The following PPDPFL variants were observed in gnomAD, a reference collection of about 807,000 sequenced individuals.
PPDPFL encodes the protein pancreatic progenitor cell differentiation and proliferation factor-like protein.
PPDPFL carries 12 observed loss-of-function variants against 12.6 expected under a neutral mutation model. That is an observed-to-expected ratio of 0.95 (90% CI 0.61 to 1.54). PPDPFL has a LOEUF of 1.54. PPDPFL is among the 40% of genes most tolerant of loss of function. The probability of loss-of-function intolerance (pLI) is 0.00; values close to 1 mark genes in which losing one functional copy is unlikely to be tolerated. For synonymous variants in PPDPFL, 24 were observed against 32.7 expected, an observed-to-expected ratio of 0.73 and a Z score of 0.91; for missense variants, 114 against 96.0, an observed-to-expected ratio of 1.19 and a Z score of -0.78.
In PPDPFL at chr8:49,072,872, T is replaced by G. The variant is rs753666328; in HGVS notation, c.42T>G (p.Asn14Lys). The G allele has an allele frequency of 6.2e-7, 1 of 1,606,762 alleles. No individual in the cohort carries two copies. Among genetic ancestry groups the G allele is most frequent in the Non-Finnish European group, 8.5e-7 (1 of 1,177,222 alleles). Residue 14 changes from asparagine (N) to lysine (K), a missense_variant, in exon 2 of 5, where the codon AAT (asparagine) becomes AAG (lysine). Asn to Lys is a moderately conservative substitution (Grantham distance 94, BLOSUM62 0). Coordinates refer to ENST00000522267, the MANE Select transcript of PPDPFL (RefSeq NM_001256597.2). The stretch of plus-strand genomic sequence containing the variant: ...CCATTGGTTGCCTTCTAGCCAGAAA[T>G]CAGTATTATCGAAGTAAGTTGCATC... Reference protein sequence around the residue: ...VPSIGCLLARNQYYRKSSVSS... With the variant: ...VPSIGCLLARKQYYRKSSVSS...
intron 1 of PPDPFL, among the ~76,000 whole-genome samples, chr8:49,057,184 G>A (rs1040640179): frequency 2.0e-5 from 3 of 152,158 alleles, no homozygotes; most frequent in African/African-American, 7.2e-5. Flanking sequence ...TTTAGCGAAT[G>A]CACATTACTG....
At chr8:49,072,668 C>T in intron 1 of PPDPFL, 119 bp from the exon 2 acceptor site, 4 of 501,248 alleles carry the variant, frequency 8.0e-6, no homozygotes, top group South Asian at 3.0e-5. Context: ...ATTTAAATTC[C>T]TTTTATCATA....
At chr8:49,063,216 TA>T (rs1808241037) in intron 1 of PPDPFL, among the ~76,000 whole-genome samples, 1 of 152,192 alleles carries the variant, frequency 6.6e-6, no homozygotes, top group Non-Finnish European at 1.5e-5. Context: ...TCTGCAAATG[TA>T]AAATTCACAT....
chr8:49,074,671 A>G (rs2292399), intron 4 of PPDPFL: 545,479 of 1,506,684 alleles, frequency 0.36, 102,531 homozygotes, highest in Non-Finnish European at 0.39. Context: ...AAGAATAACC[A>G]TTGTCTAGTT....
rs1388140535 is a variant in PPDPFL at position 49,076,029 on chromosome 8, A to C, written c.*856A>C. On this transcript the variant is annotated 3_prime_UTR_variant, in exon 5 of 5. Transcript: ENST00000522267. The stretch of plus-strand genomic sequence containing the variant: ...TTTAATATATTTTTCCATATCTCCC[A>C]ATTTTTCTAATATGACAAGTATTGT... 1 of 152,126 alleles carries C rather than the reference A, an allele frequency of 6.6e-6. No homozygotes were observed. Among genetic ancestry groups the C allele is most frequent in the East Asian group, 1.9e-4 (1 of 5,200 alleles). 9.4% of individuals were successfully genotyped at this position (152,126 alleles called of 1,614,324 possible). A position where few individuals can be genotyped will look rare whatever the true frequency, so the allele number is the denominator to read the frequency against.
rs776385400 is a variant in PPDPFL at position 49,074,199 on chromosome 8, G to T, written c.134-35G>T. On this transcript the variant is annotated intron_variant, in intron 3 of 4. Coordinates refer to ENST00000522267, the MANE Select transcript of PPDPFL (RefSeq NM_001256597.2). ...TCTTTTTATTTTCAATCTCAAATTT[G>T]TTTGATAAGGAGTAACATGAATTTT... 4.4e-6 allele frequency: 7 copies of T among 1,604,518 alleles called. No homozygotes were observed. In the South Asian group the frequency reaches 4.4e-5, roughly 10 times the overall value.
chr8:49,066,558 A>G (rs1024970606), intron 1 of PPDPFL, among the ~76,000 whole-genome samples: 2 of 152,220 alleles, frequency 1.3e-5, no homozygotes, highest in African/African-American at 4.8e-5. Context: ...TCGGGAAAGC[A>G]TATGAGCCAG....
chr8:49,061,626 C>T (rs964211708), intron 1 of PPDPFL, among the ~76,000 whole-genome samples: 13 of 152,106 alleles, frequency 8.5e-5, no homozygotes, highest in Non-Finnish European at 1.3e-4. Context: ...GTGGGATGAG[C>T]TGACTGGTGC....
chr8:49,054,559 T>C (rs1479148336), intron 1 of PPDPFL, among the ~76,000 whole-genome samples: 1 of 152,084 alleles, frequency 6.6e-6, no homozygotes, highest in Non-Finnish European at 1.5e-5. Context: ...GGAGTCAAAG[T>C]TGTATGTGGA....
In PPDPFL at chr8:49,064,215, C is replaced by T. The variant is rs563394780; in HGVS notation, c.-44-8572C>T. On this transcript the variant is annotated intron_variant, in intron 1 of 4. Coordinates refer to the PPDPFL transcript ENST00000517663. ...AGGACTTTCTTGGAACTGCACCTTT[C>T]CCACACATGCACCCACAGCTTACAA... Among the ~76,000 whole-genome samples the T allele has an allele frequency of 1.3e-3, 202 of 152,232 alleles. 8 individuals are homozygous for T. In the South Asian group the frequency reaches 0.039, roughly 29 times the overall value.
intron 4 of PPDPFL, 151 bp from the exon 5 acceptor site, chr8:49,075,001 A>G (rs1563302457): frequency 1.4e-6 from 2 of 1,390,056 alleles, no homozygotes; most frequent in Non-Finnish European, 9.6e-7. Context: ...AATTAGAATC[A>G]TTATTTAAAG....
chr8:49,060,401 C>G (rs1023509166), intron 1 of PPDPFL, among the ~76,000 whole-genome samples: 11 of 152,074 alleles, frequency 7.2e-5, no homozygotes, highest in African/African-American at 2.7e-4. Context: ...TCAACCTCCG[C>G]CTCCTGGGTT....
chr8:49,060,415 G>A (rs2129243790), intron 1 of PPDPFL, among the ~76,000 whole-genome samples: 1 of 152,228 alleles, frequency 6.6e-6, no homozygotes, highest in African/African-American at 2.4e-5. Context: ...CTGGGTTTAA[G>A]TGATTCTCCT....
rs1412481672 is a variant in PPDPFL at position 49,074,300 on chromosome 8, C to G, written c.200C>G (p.Ser67Ter). ...KSFFHSEPVL[S>*]NVRIKDLSAT... ...TTTTTCCATTCTGAACCTGTGCTTTCAAATGTGAGAATAAAAGATCTGTCT... is the reference window on the plus strand; with the variant it reads ...TTTTTCCATTCTGAACCTGTGCTTTGAAATGTGAGAATAAAAGATCTGTCT... Residue 67 changes from serine (S) to a stop codon, truncating the protein, a stop_gained, in exon 4 of 5, where the codon TCA (serine) becomes TGA (stop). Transcript: ENST00000522267. LOFTEE classifies it low-confidence loss of function (END_TRUNC). The G allele has an allele frequency of 6.2e-7, 1 of 1,613,820 alleles. No homozygotes were observed. Among genetic ancestry groups the G allele is most frequent in the Non-Finnish European group, 8.5e-7 (1 of 1,179,872 alleles).
At chr8:49,067,797 G>C (rs1395886725), upstream of PPDPFL, among the ~76,000 whole-genome samples, 2 of 152,180 alleles carry the variant, frequency 1.3e-5, no homozygotes, top group African/African-American at 2.4e-5. Context: ...CCTACAACTT[G>C]TCTGAACAGG....
In PPDPFL at chr8:49,075,300, C is replaced by A. The variant is rs1808476153; in HGVS notation, c.*127C>A. ...TGCAGTGGTCCATACATGAACAGCT[C>A]CCCTTCAGCGCCCCAGCTATTCCAG... On this transcript the variant is annotated 3_prime_UTR_variant, in exon 5 of 5. Transcript: ENST00000522267. 3 of 1,592,886 alleles carry A rather than the reference C, an allele frequency of 1.9e-6. No individual in the cohort carries two copies. The African/African-American group carries it at 4.0e-5, about 21-fold the overall frequency.
chr8:49,061,115 A>G (rs2129243891), intron 1 of PPDPFL, among the ~76,000 whole-genome samples: 2 of 152,224 alleles, frequency 1.3e-5, no homozygotes, highest in East Asian at 3.9e-4. Flanking sequence ...AGTCTTTGGC[A>G]AGCTCAAGCA....
chr8:49,072,169 T>C (rs1808401739), upstream of PPDPFL, among the ~76,000 whole-genome samples: 1 of 152,230 alleles, frequency 6.6e-6, no homozygotes, highest in African/African-American at 2.4e-5. Flanking sequence ...GCAGCCAAAC[T>C]TGGCAGGCTG....
intron 1 of PPDPFL, among the ~76,000 whole-genome samples, chr8:49,060,072 C>T (rs1808172810): frequency 1.3e-5 from 2 of 152,156 alleles, no homozygotes; most frequent in African/African-American, 4.8e-5. Context: ...TGTAGTTGAA[C>T]ATTATATCTT....
Sources: allele counts gnomAD v4.1 joint callset (sites outside exome capture counted in the v4.1 genomes callset), GRCh38; gene constraint gnomAD v4.1.1; transcripts MANE v1.5; gene names NCBI Gene and HGNC (gene_info 2026-07-23, HGNC 2026-07-21).